The following MRPL15 variants were observed in gnomAD, a reference collection of about 807,000 sequenced individuals.
MRPL15 encodes the protein large ribosomal subunit protein uL15m.
Under a neutral mutation model 28.0 loss-of-function variants are expected in MRPL15, and 24 were observed. The observed-to-expected ratio is 0.86, with a 90% confidence interval of 0.62 to 1.21. The LOEUF (loss-of-function observed/expected upper bound fraction) is 1.21, where lower values mean the gene tolerates loss of function less well. MRPL15 is among the 50% of genes most tolerant of loss of function. The probability of loss-of-function intolerance (pLI) is 0.00; values close to 1 mark genes in which losing one functional copy is unlikely to be tolerated. For missense variants in MRPL15, 343 were observed against 372.4 expected (o/e 0.92, Z 0.65); for synonymous variants, 124 against 137.0 (o/e 0.90, Z 0.66).
intron 4 of MRPL15, among the ~76,000 whole-genome samples, chr8:54,143,831 G>A (rs918672428): frequency 2.0e-5 from 3 of 152,148 alleles, no homozygotes. Flanking sequence ...CCTGTGTACT[G>A]TGTACTTCAG....
intron 3 of MRPL15, among the ~76,000 whole-genome samples, chr8:54,137,859 G>A (rs1045377817): frequency 4.6e-5 from 7 of 151,986 alleles, no homozygotes; most frequent in African/African-American, 1.7e-4. Flanking sequence ...GGTGATAGCT[G>A]TGGTTTTGGA....
At chr8:54,143,115 C>G (rs965135073) in intron 4 of MRPL15, among the ~76,000 whole-genome samples, 1 of 151,760 alleles carries the variant, frequency 6.6e-6, no homozygotes, top group Non-Finnish European at 1.5e-5. Flanking sequence ...GAGTCTTGCT[C>G]TGTTGCCCAG....
intron 3 of MRPL15, among the ~76,000 whole-genome samples, chr8:54,137,742 G>T (rs1188804051): frequency 6.6e-6 from 1 of 152,038 alleles, no homozygotes; most frequent in East Asian, 1.9e-4. Flanking sequence ...GGAATTACAG[G>T]TGTGAGCCAC....
Position 54,147,599 on chromosome 8 carries a change from T to A in MRPL15, c.771T>A (p.Cys257Ter). ...AAGATGAACTCTTCAAAATGCTCTG[T>A]ACTAGGAAGGATCCAAGGCAGATTT... ...ITKDELFKML[C>*]TRKDPRQIFF... is the part of the protein sequence containing the mutation. The change falls in exon 5 of 5, where the codon TGT becomes TGA. Residue 257 changes from cysteine (C) to a stop codon, truncating the protein, a stop_gained. Coordinates refer to ENST00000260102, the MANE Select transcript of MRPL15 (RefSeq NM_014175.4). LOFTEE classifies it high-confidence loss of function. 1 of 1,614,208 alleles carries A rather than the reference T, an allele frequency of 6.2e-7. No homozygotes were observed. The highest frequency in any genetic ancestry group is 1.3e-5 in the African/African-American group (1 of 75,058).
intron 3 of MRPL15, among the ~76,000 whole-genome samples, chr8:54,141,824 A>G (rs1319635119): frequency 6.6e-6 from 1 of 152,104 alleles, no homozygotes; most frequent in African/African-American, 2.4e-5. Context: ...ACTGTATTTA[A>G]AAAAGAATTG....
intron 3 of MRPL15, among the ~76,000 whole-genome samples, chr8:54,138,275 C>T (rs1303622508): frequency 8.0e-6 from 1 of 125,654 alleles, no homozygotes; most frequent in Admixed American, 8.5e-5. Context: ...TGGTTCTCTG[C>T]TTGAATGTCA....
At chr8:54,142,257 C>T (rs1282859267) in intron 3 of MRPL15, among the ~76,000 whole-genome samples, 3 of 152,126 alleles carry the variant, frequency 2.0e-5, no homozygotes, top group East Asian at 3.9e-4. Context: ...CGGGTTCAAG[C>T]GATTCTCCCA....
chr8:54,139,401 C>A (rs1417906238), intron 3 of MRPL15, among the ~76,000 whole-genome samples: 3 of 152,182 alleles, frequency 2.0e-5, no homozygotes, highest in African/African-American at 7.2e-5. Context: ...AAAAACCTTT[C>A]AGATTCTTTT....
At chr8:54,138,153 G>A (rs1810860845) in intron 3 of MRPL15, among the ~76,000 whole-genome samples, 1 of 151,062 alleles carries the variant, frequency 6.6e-6, no homozygotes, top group African/African-American at 2.4e-5. Context: ...ATGGAGTTTC[G>A]CCATATTGGC....
Position 54,147,610 on chromosome 8 carries a change from A to T in MRPL15, c.782A>T (p.Asp261Val). 2 of 1,614,178 alleles carry T rather than the reference A, an allele frequency of 1.2e-6. No homozygotes were observed. Among genetic ancestry groups the T allele is most frequent in the Non-Finnish European group, 1.7e-6 (2 of 1,180,042 alleles). The change falls in exon 5 of 5, where the codon GAT (aspartate) becomes GTT (valine). Residue 261 changes from aspartate (D) to valine (V), a missense_variant. Asp to Val is a radical substitution (Grantham distance 152). Coordinates refer to ENST00000260102, the MANE Select transcript of MRPL15 (RefSeq NM_014175.4). ...ELFKMLCTRK[D>V]PRQIFFGLAP... ...TTCAAAATGCTCTGTACTAGGAAGG[A>T]TCCAAGGCAGATTTTCTTTGGTCTT...
rs1810809123 is a variant in MRPL15 at position 54,135,332 on chromosome 8, C to T, written c.49C>T (p.Arg17Trp). Residue 17 changes from arginine to tryptophan, a missense_variant, in exon 1 of 5, where the codon CGG becomes TGG. Physicochemically the swap from Arg to Trp is moderately radical, Grantham distance 101. Transcript: ENST00000260102. ...TGGGGCCCGGGCCCTGGACCTACTC[C>T]GGGGCCTGCCGCGTGTGAGCCTGGC... ...GGGARALDLL[R>W]GLPRVSLANL... is the part of the protein sequence containing the mutation. 1 of 1,494,330 alleles carries T rather than the reference C, an allele frequency of 6.7e-7. No homozygotes were observed. The highest frequency in any genetic ancestry group is 1.4e-5 in the African/African-American group (1 of 69,194). 92.6% of individuals were successfully genotyped at this position (1,494,330 alleles called of 1,614,324 possible).
rs1667510748 is a variant in MRPL15 at position 54,142,802 on chromosome 8, G to A, written c.553+16G>A. 2 of 1,610,014 alleles carry A rather than the reference G, an allele frequency of 1.2e-6. No homozygotes were observed. Among genetic ancestry groups the A allele is most frequent in the East Asian group, 2.2e-5 (1 of 44,796 alleles). On this transcript the variant is annotated intron_variant, in intron 4 of 4. Transcript: ENST00000260102. ...AGAAGTCTGGGTAAGTTTGTTCCAC[G>A]GTCATTTTCTTCTTTCTCTCTTTGT...
chr8:54,145,372 G>C (rs1811024858), intron 4 of MRPL15, among the ~76,000 whole-genome samples: 2 of 152,012 alleles, frequency 1.3e-5, no homozygotes, highest in Non-Finnish European at 2.9e-5. Flanking sequence ...GTGCCACCAT[G>C]CCTGGCTAAT....
chr8:54,139,846 C>T (rs578183931), intron 3 of MRPL15, among the ~76,000 whole-genome samples: 23 of 152,120 alleles, frequency 1.5e-4, no homozygotes, highest in African/African-American at 2.4e-4. Flanking sequence ...GCTATTTATA[C>T]TACTGAAAAT....
At chr8:54,138,836 T>C (rs1376063869) in intron 3 of MRPL15, among the ~76,000 whole-genome samples, 1 of 151,854 alleles carries the variant, frequency 6.6e-6, no homozygotes, top group Non-Finnish European at 1.5e-5. Flanking sequence ...TTCTTCTTTA[T>C]TTTTTTTGAG....
intron 4 of MRPL15, 69 bp downstream of exon 4, chr8:54,142,855 CT>C: frequency 6.3e-7 from 1 of 1,591,852 alleles, no homozygotes; most frequent in Non-Finnish European, 8.6e-7. Flanking sequence ...TTTTAAATTA[CT>C]TAGTGAATGG....
At chr8:54,143,248 T>G (rs373831191) in intron 4 of MRPL15, among the ~76,000 whole-genome samples, 2 of 152,254 alleles carry the variant, frequency 1.3e-5, no homozygotes, top group East Asian at 1.9e-4. Flanking sequence ...ACCCAGCCAA[T>G]TTTTGTATTT....
intron 4 of MRPL15, among the ~76,000 whole-genome samples, chr8:54,145,334 C>T (rs1278384376): frequency 6.6e-6 from 1 of 152,100 alleles, no homozygotes; most frequent in Non-Finnish European, 1.5e-5. Flanking sequence ...CCCATCTCAG[C>T]CTCATGAGTA....
At position 54,147,389 on chromosome 8, in the gene MRPL15, A is replaced by G; in HGVS notation, c.561A>G (p.Val187=). ...AFYDPRSLDI[V]CKPVPFFLRG... ...ATTTAAATTTTCTTTTAGACATTGTATGCAAACCTGTTCCATTCTTTCTTC... is the reference window on the plus strand; with the variant it reads ...ATTTAAATTTTCTTTTAGACATTGTGTGCAAACCTGTTCCATTCTTTCTTC... Residue 187 remains valine (V), a synonymous_variant, in exon 5 of 5, where the codon GTA becomes GTG. Coordinates refer to ENST00000260102, the MANE Select transcript of MRPL15 (RefSeq NM_014175.4). 2 of 1,607,032 alleles carry G rather than the reference A, an allele frequency of 1.2e-6. No individual in the cohort carries two copies. Among genetic ancestry groups the G allele is most frequent in the South Asian group, 1.1e-5 (1 of 90,696 alleles).
Sources: gnomAD v4.1 joint callset for allele counts (sites outside exome capture counted in the v4.1 genomes callset) on GRCh38, gnomAD v4.1.1 for gene constraint, MANE v1.5 for transcripts, NCBI Gene and HGNC (gene_info 2026-07-23, HGNC 2026-07-21) for gene names.